Variants in PCDH9 observed in about 807,000 individuals in gnomAD.
PCDH9 encodes the protein protocadherin-9.
In PCDH9, 24 loss-of-function variants were observed where a neutral mutation model predicts 70.6. The ratio of observed to expected loss-of-function variants is 0.34; its 90% confidence interval spans 0.25 to 0.48. The LOEUF is 0.48. Among genes scored for constraint, PCDH9 ranks in the 20% least tolerant of loss-of-function variants. PCDH9 has a pLI of 0.99. For synonymous variants in PCDH9, 562 were observed against 558.5 expected (o/e 1.01, Z -0.09); for missense variants, 1,281 against 1,503.6 (o/e 0.85, Z 2.45).
intron 3 of PCDH9, among the ~76,000 whole-genome samples, chr13:66,738,917 A>G (rs1419799545): frequency 6.2e-5 from 9 of 145,532 alleles, no homozygotes; most frequent in Non-Finnish European, 1.2e-4. Context: ...AAAACACTCT[A>G]CAGGATATTA....
intron 2 of PCDH9, among the ~76,000 whole-genome samples, chr13:66,995,343 G>T (rs1455221006): frequency 6.6e-6 from 1 of 152,130 alleles, no homozygotes; most frequent in African/African-American, 2.4e-5. Context: ...AGCACCACGG[G>T]CGAAGTGAGG....
intron 2 of PCDH9, among the ~76,000 whole-genome samples, chr13:67,159,941 T>A (rs2087912186): frequency 6.6e-6 from 1 of 152,166 alleles, no homozygotes; most frequent in African/African-American, 2.4e-5. Flanking sequence ...TCGCTGAGAT[T>A]TTAAGGGCTT....
At chr13:66,757,730 A>C (rs2079558646) in intron 3 of PCDH9, among the ~76,000 whole-genome samples, 1 of 152,140 alleles carries the variant, frequency 6.6e-6, no homozygotes, top group African/African-American at 2.4e-5. Context: ...AGGTGTAATT[A>C]TTCGATATCT....
At chr13:67,181,480 T>C (rs1213377848) in intron 2 of PCDH9, among the ~76,000 whole-genome samples, 4 of 152,114 alleles carry the variant, frequency 2.6e-5, no homozygotes, top group Non-Finnish European at 4.4e-5. Flanking sequence ...GTTTGTGAAA[T>C]GAATATCAAG....
At chr13:66,457,346 T>C (rs411313) in intron 4 of PCDH9, among the ~76,000 whole-genome samples, 93,782 of 151,974 alleles carry the variant, frequency 0.62, 29,359 homozygotes, top group East Asian at 0.76. Context: ...TAAAATTTCA[T>C]TGAGCACATC....
At chr13:66,776,656 C>A (rs2079899095) in intron 3 of PCDH9, among the ~76,000 whole-genome samples, 1 of 152,148 alleles carries the variant, frequency 6.6e-6, no homozygotes, top group Non-Finnish European at 1.5e-5. Flanking sequence ...AAGAACATTC[C>A]ATGCTCATGG....
At chr13:66,647,370 T>C (rs1385197926) in intron 3 of PCDH9, among the ~76,000 whole-genome samples, 1 of 152,082 alleles carries the variant, frequency 6.6e-6, no homozygotes, top group Non-Finnish European at 1.5e-5. Flanking sequence ...CATAGTAGGA[T>C]AGAGCACCAG....
At chr13:66,513,075 C>G (rs2138588582) in intron 4 of PCDH9, among the ~76,000 whole-genome samples, 1 of 152,136 alleles carries the variant, frequency 6.6e-6, no homozygotes, top group East Asian at 1.9e-4. Flanking sequence ...TGCCTGGACC[C>G]CCAAAGTTCT....
At chr13:67,035,991 A>T (rs1734030847) in intron 2 of PCDH9, among the ~76,000 whole-genome samples, 2 of 152,214 alleles carry the variant, frequency 1.3e-5, no homozygotes, top group African/African-American at 4.8e-5. Context: ...TTTCAGGGTG[A>T]CAAGGAGGAA....
chr13:67,134,022 G>A (rs192915143), intron 2 of PCDH9, among the ~76,000 whole-genome samples: 203 of 152,094 alleles, frequency 1.3e-3, no homozygotes, highest in African/African-American at 4.8e-3. Flanking sequence ...AAAATCAATA[G>A]CATTTTGATG....
chr13:66,371,639 A>C (rs1186261929), intron 4 of PCDH9, among the ~76,000 whole-genome samples: 1 of 152,070 alleles, frequency 6.6e-6, no homozygotes, highest in Non-Finnish European at 1.5e-5. Context: ...ATGCCCATGA[A>C]ATAAAATAGA....
At chr13:67,137,316 A>T (rs9564371) in intron 2 of PCDH9, among the ~76,000 whole-genome samples, 75,803 of 151,768 alleles carry the variant, frequency 0.5, 19,282 homozygotes, top group Admixed American at 0.55. Flanking sequence ...TGGGTGGTAA[A>T]CTATTTAAAT....
chr13:67,088,287 A>C (rs909013728), intron 2 of PCDH9, among the ~76,000 whole-genome samples: 2 of 151,986 alleles, frequency 1.3e-5, no homozygotes, highest in Admixed American at 1.3e-4. Flanking sequence ...CCCAGCATCT[A>C]TCAGTTAGCA....
intron 4 of PCDH9, among the ~76,000 whole-genome samples, chr13:66,465,272 G>A (rs1407898015): frequency 6.6e-6 from 1 of 151,666 alleles, no homozygotes; most frequent in Non-Finnish European, 1.5e-5. Flanking sequence ...TTTTCTAGAG[G>A]ACTAAAATAT....
At chr13:66,539,827 T>C (rs1960868315) in intron 4 of PCDH9, among the ~76,000 whole-genome samples, 1 of 151,558 alleles carries the variant, frequency 6.6e-6, no homozygotes, top group Non-Finnish European at 1.5e-5. Flanking sequence ...ATCCATATTT[T>C]ATATTTTCCT....
chr13:66,925,702 C>T (rs1163280297), intron 2 of PCDH9, among the ~76,000 whole-genome samples: 1 of 151,676 alleles, frequency 6.6e-6, no homozygotes, highest in African/African-American at 2.4e-5. Flanking sequence ...TTCCCTTTAT[C>T]AAAACGTTTA....
At chr13:67,175,886 G>A (rs1237033865) in intron 2 of PCDH9, among the ~76,000 whole-genome samples, 2 of 151,856 alleles carry the variant, frequency 1.3e-5, no homozygotes, top group African/African-American at 4.8e-5. Flanking sequence ...CATAGAGAAT[G>A]TGTCTAATAT....
At position 66,304,432 on chromosome 13, in the gene PCDH9, T is replaced by C. The variant is rs1348318455; in HGVS notation, c.*223A>G. The stretch of plus-strand genomic sequence containing the variant: ...AAAAAAAATTTGCACAATGGAGAGA[T>C]CTCTGGAGAGTGTAATCAATTCTAG... On this transcript the variant is annotated 3_prime_UTR_variant, in exon 5 of 5. Coordinates refer to ENST00000377865, the MANE Select transcript of PCDH9 (RefSeq NM_203487.3). 2 of 509,594 alleles carry C rather than the reference T, an allele frequency of 3.9e-6. No individual in the cohort carries two copies. The highest frequency in any genetic ancestry group is 3.8e-5 in the African/African-American group (2 of 52,726). 31.6% of individuals were successfully genotyped at this position (509,594 alleles called of 1,614,324 possible). A position where few individuals can be genotyped will look rare whatever the true frequency, so the allele number is the denominator to read the frequency against.
intron 3 of PCDH9, among the ~76,000 whole-genome samples, chr13:66,668,074 G>T (rs1295199583): frequency 6.6e-6 from 1 of 152,038 alleles, no homozygotes; most frequent in Non-Finnish European, 1.5e-5. Context: ...CAGGAGCTTG[G>T]GAATTACTTA....
Sources: gnomAD v4.1 joint callset for allele counts (sites outside exome capture counted in the v4.1 genomes callset) on GRCh38, gnomAD v4.1.1 for gene constraint, MANE v1.5 for transcripts, NCBI Gene and HGNC (gene_info 2026-07-23, HGNC 2026-07-21) for gene names.